The following PPM1H variants were observed in gnomAD, a reference collection of about 807,000 sequenced individuals.
PPM1H encodes the protein protein phosphatase 1H.
A neutral mutation model predicts 54.9 loss-of-function variants in PPM1H; 27 were observed. That is an observed-to-expected ratio of 0.49 (90% CI 0.36 to 0.68). The LOEUF (loss-of-function observed/expected upper bound fraction) is 0.68, where lower values mean the gene tolerates loss of function less well. Ranked by LOEUF, PPM1H falls within the 30% of genes least tolerant of loss-of-function variation. The pLI is 0.00. For missense variants in PPM1H, 596 were observed against 667.8 expected (o/e 0.89, Z 1.19); for synonymous variants, 305 against 270.8 (o/e 1.13, Z -1.24).
intron 1 of PPM1H, among the ~76,000 whole-genome samples, chr12:62,919,954 T>TAA (rs1181579217): frequency 1.3e-5 from 2 of 151,218 alleles, no homozygotes; most frequent in African/African-American, 4.9e-5. Flanking sequence ...ACACCAAGAT[T>TAA]AAAAAAAAAT....
chr12:62,809,123 C>G (rs981614144), intron 2 of PPM1H, among the ~76,000 whole-genome samples: 3 of 152,210 alleles, frequency 2.0e-5, no homozygotes, highest in African/African-American at 7.2e-5. Context: ...GCGATCCTGG[C>G]TCACCGCAGC....
intron 1 of PPM1H, among the ~76,000 whole-genome samples, chr12:62,869,590 C>T (rs1869905499): frequency 6.6e-6 from 1 of 152,162 alleles, no homozygotes; most frequent in Non-Finnish European, 1.5e-5. Context: ...AAAACCACTA[C>T]CACATAAAAG....
chr12:62,712,638 AT>A (rs2076213828), intron 6 of PPM1H, among the ~76,000 whole-genome samples: 1 of 152,176 alleles, frequency 6.6e-6, no homozygotes, highest in African/African-American at 2.4e-5. Context: ...CTGAGTTTGA[AT>A]TTTTCAATTA....
chr12:62,890,115 T>G (rs681594), intron 1 of PPM1H, among the ~76,000 whole-genome samples: 1 of 152,082 alleles, frequency 6.6e-6, no homozygotes, highest in African/African-American at 2.4e-5. Context: ...GGCCAAAGAC[T>G]TTATCAGGCA....
chr12:62,758,793 T>A (rs1488391947), intron 4 of PPM1H, among the ~76,000 whole-genome samples: 1 of 152,186 alleles, frequency 6.6e-6, no homozygotes, highest in Non-Finnish European at 1.5e-5. Flanking sequence ...GAGCCCAAGC[T>A]AAGCCATCAT....
intron 1 of PPM1H, among the ~76,000 whole-genome samples, chr12:62,846,511 A>AC (rs1364467018): frequency 1.3e-5 from 2 of 151,082 alleles, no homozygotes; most frequent in Non-Finnish European, 2.9e-5. Flanking sequence ...AAAAAAAAAA[A>AC]ATTTTTTTTT....
At chr12:62,657,945 T>G (rs889009437) in intron 9 of PPM1H, among the ~76,000 whole-genome samples, 1 of 151,692 alleles carries the variant, frequency 6.6e-6, no homozygotes, top group South Asian at 2.1e-4. Flanking sequence ...AGACATACTC[T>G]GTAGGGTTTA....
chr12:62,709,041 A>T (rs1255572024), intron 6 of PPM1H, among the ~76,000 whole-genome samples: 1 of 152,150 alleles, frequency 6.6e-6, no homozygotes, highest in Non-Finnish European at 1.5e-5. Context: ...CCTGGCATTC[A>T]AAGTTCCCCA....
chr12:62,788,397 C>G, intron 3 of PPM1H, 59 bp from the exon 4 acceptor site: 5 of 1,074,510 alleles, frequency 4.7e-6, no homozygotes, highest in East Asian at 2.6e-5. Context: ...AAAGCTTTCT[C>G]ACTTTCATTC....
At chr12:62,929,382 C>A (rs1426481470) in intron 1 of PPM1H, among the ~76,000 whole-genome samples, 5 of 152,174 alleles carry the variant, frequency 3.3e-5, no homozygotes, top group African/African-American at 1.2e-4. Flanking sequence ...CTAATCCTCC[C>A]TTTAAATTAG....
At chr12:62,674,832 T>C (rs1207733123) in intron 8 of PPM1H, among the ~76,000 whole-genome samples, 2 of 152,182 alleles carry the variant, frequency 1.3e-5, no homozygotes, top group African/African-American at 4.8e-5. Context: ...AGCTTTACCT[T>C]GCTTGGTTTG....
At chr12:62,810,800 A>G (rs920581560) in intron 2 of PPM1H, among the ~76,000 whole-genome samples, 4 of 152,190 alleles carry the variant, frequency 2.6e-5, no homozygotes, top group Admixed American at 1.3e-4. Flanking sequence ...GAAGTTACTT[A>G]ACTTCTCTCA....
intron 3 of PPM1H, among the ~76,000 whole-genome samples, chr12:62,791,828 A>G (rs1370964092): frequency 6.6e-6 from 1 of 152,082 alleles, no homozygotes; most frequent in Non-Finnish European, 1.5e-5. Flanking sequence ...GGAGGCTGAG[A>G]TAGGAGAATT....
intron 1 of PPM1H, 37 bp from the exon 2 acceptor site, chr12:62,832,316 G>A (rs376373804): frequency 1.0e-5 from 16 of 1,567,578 alleles, no homozygotes; most frequent in Middle Eastern, 3.3e-4. Context: ...CAGACAGACC[G>A]ATAAAGCTGA....
At chr12:62,888,307 C>T (rs140764027) in intron 1 of PPM1H, among the ~76,000 whole-genome samples, 22 of 152,230 alleles carry the variant, frequency 1.4e-4, no homozygotes, top group African/African-American at 5.3e-4. Context: ...ATTCAGAGCT[C>T]TGCCCATGAG....
At chr12:62,699,975 T>C (rs574280107) in intron 6 of PPM1H, among the ~76,000 whole-genome samples, 1 of 152,320 alleles carries the variant, frequency 6.6e-6, no homozygotes, top group South Asian at 2.1e-4. Flanking sequence ...ACATGAGTGA[T>C]GCTTATAGTT....
At chr12:62,814,039 A>C (rs2076851235) in intron 2 of PPM1H, among the ~76,000 whole-genome samples, 1 of 152,194 alleles carries the variant, frequency 6.6e-6, no homozygotes, top group African/African-American at 2.4e-5. Context: ...GTAGTAGGTT[A>C]TATATCAATA....
chr12:62,726,934 G>A (rs1389956371), intron 5 of PPM1H, among the ~76,000 whole-genome samples: 3 of 151,268 alleles, frequency 2.0e-5, no homozygotes, highest in Non-Finnish European at 2.9e-5. Flanking sequence ...TTTTTTTTGA[G>A]ACAGAGTTTC....
chr12:62,683,686 A>G (rs2136630988), intron 8 of PPM1H, among the ~76,000 whole-genome samples: 1 of 152,336 alleles, frequency 6.6e-6, no homozygotes, highest in South Asian at 2.1e-4. Context: ...CAGGGGCGGA[A>G]AGGGGGCTTG....
Sources: allele counts gnomAD v4.1 joint callset (sites outside exome capture counted in the v4.1 genomes callset), GRCh38; gene constraint gnomAD v4.1.1; transcripts MANE v1.5; gene names NCBI Gene and HGNC (gene_info 2026-07-23, HGNC 2026-07-21).